Variants in DNAI4 observed in about 807,000 individuals in gnomAD.
DNAI4 encodes the protein dynein axonemal intermediate chain 4, also known as WD repeat domain 78.
A neutral mutation model predicts 105.8 loss-of-function variants in DNAI4; 85 were observed. That is an observed-to-expected ratio of 0.80 (90% confidence interval 0.67 to 0.96). DNAI4 has a LOEUF of 0.96. Ranked by LOEUF, DNAI4 falls within the 40% of genes least tolerant of loss-of-function variation. The pLI, the probability that DNAI4 is intolerant of heterozygous loss-of-function variation, is 0.00. For missense variants in DNAI4, 1,014 were observed against 1,005.6 expected (o/e 1.01, Z -0.11); for synonymous variants, 352 against 331.5 (o/e 1.06, Z -0.67).
chr1:66,892,379 C>T (rs570163584), intron 3 of DNAI4, among the ~76,000 whole-genome samples: 5 of 152,288 alleles, frequency 3.3e-5, no homozygotes, highest in Admixed American at 1.3e-4. Flanking sequence ...GGAAAGCCAC[C>T]TCTTCCTGTA....
At chr1:66,859,863 A>G (rs958687551) in intron 7 of DNAI4, among the ~76,000 whole-genome samples, 22 of 152,248 alleles carry the variant, frequency 1.4e-4, no homozygotes, top group African/African-American at 5.3e-4. Flanking sequence ...TGAAACTATT[A>G]ATTTTTTGCT....
At chr1:66,852,455 A>T (rs1483923500) in intron 7 of DNAI4, among the ~76,000 whole-genome samples, 2 of 152,084 alleles carry the variant, frequency 1.3e-5, no homozygotes, top group African/African-American at 2.4e-5. Flanking sequence ...CAACATCAAC[A>T]TAAAAATCCT....
chr1:66,827,112 C>A, intron 14 of DNAI4, 66 bp from the exon 15 acceptor site: 2 of 1,365,924 alleles, frequency 1.5e-6, no homozygotes, highest in Admixed American at 2.2e-5. Context: ...ACTTGACCAG[C>A]AAATTAAAAA....
chr1:66,871,438 A>G lies in DNAI4; in HGVS notation c.872T>C (p.Met291Thr), dbSNP rs1297625788. 5.6e-6 allele frequency: 9 copies of G among 1,611,060 alleles called. No individual in the cohort carries two copies. The highest frequency in any genetic ancestry group is 1.7e-6 in the Non-Finnish European group (2 of 1,177,720). The change falls in exon 6 of 17, where the codon ATG (methionine) becomes ACG (threonine). Residue 291 changes from methionine (M) to threonine (T), a missense_variant. Met to Thr is a moderately conservative substitution (Grantham distance 81). Coordinates refer to ENST00000371026, the MANE Select transcript of DNAI4 (RefSeq NM_024763.5). Reference sequence around the variant, plus strand: ...CTTTGGTGCTCCATTGAAAGTCTGCATCATCCTTTCAACATATAGGTCATT... The same window carrying G: ...CTTTGGTGCTCCATTGAAAGTCTGCGTCATCCTTTCAACATATAGGTCATT... The part of the protein sequence containing the change: ...LGNDLYVERM[M>T]QTFNGAPKNK...
rs537165340 is a variant in DNAI4, at chr1:66,846,097, C to G, written c.1291+1387G>C. ...TGTGTTGAAAGAAGTGATGTGCCAA[C>G]AGTAACATTTACATTGTTACATTTA... On this transcript the variant is annotated intron_variant, in intron 8 of 16. Transcript: ENST00000371026. 2.0e-5 allele frequency among the ~76,000 whole-genome samples: 3 copies of G among 152,108 alleles called. No individual in the cohort carries two copies. The South Asian group carries it at 6.2e-4, about 32-fold the overall frequency.
At chr1:66,922,888 T>A (rs981270056) in intron 1 of DNAI4, among the ~76,000 whole-genome samples, 2 of 152,108 alleles carry the variant, frequency 1.3e-5, no homozygotes, top group African/African-American at 4.8e-5. Flanking sequence ...TTGGGAGAGG[T>A]CTTAGCCAGA....
Position 66,827,825 on chromosome 1 carries a change from T to C in DNAI4, c.2099A>G (p.Tyr700Cys), listed in dbSNP as rs766815598. Residue 700 changes from tyrosine to cysteine, a missense_variant, in exon 14 of 17, where the codon TAC (tyrosine) becomes TGC (cysteine). By Grantham distance (194) the Tyr-to-Cys change is radical. Transcript: ENST00000371026. The stretch of plus-strand genomic sequence containing the variant: ...AATTAAACTAACCTTATGTCCTCTG[T>C]AGGTATCTAAGTATTGTTCATTATA... ...CSYNEQYLDTYRGHKGPVYKV... is the reference protein window; with the variant it reads ...CSYNEQYLDTCRGHKGPVYKV... 1 of 1,586,352 alleles carries C rather than the reference T, an allele frequency of 6.3e-7. No individual in the cohort carries two copies. Among genetic ancestry groups the C allele is most frequent in the South Asian group, 1.2e-5 (1 of 86,868 alleles).
intron 1 of DNAI4, among the ~76,000 whole-genome samples, chr1:66,922,368 G>A (rs1650553838): frequency 6.6e-6 from 1 of 152,116 alleles, no homozygotes; most frequent in Non-Finnish European, 1.5e-5. Flanking sequence ...TTATCTGGGG[G>A]CACAATATTC....
At chr1:66,924,513 A>T in intron 1 of DNAI4, 149 bp downstream of exon 1, 1 of 1,077,674 alleles carries the variant, frequency 9.3e-7, no homozygotes, top group Non-Finnish European at 1.3e-6. Context: ...TCGATAAAGG[A>T]GACATTGTGG....
chr1:66,822,335 C>G, intron 16 of DNAI4, 26 bp downstream of exon 16: 1 of 1,571,512 alleles, frequency 6.4e-7, no homozygotes. Context: ...TAAAATGACA[C>G]AAATTTTTTT....
chr1:66,909,178 A>G (rs185335930), intron 1 of DNAI4, among the ~76,000 whole-genome samples: 192 of 152,166 alleles, frequency 1.3e-3, no homozygotes, highest in Admixed American at 0.012. Flanking sequence ...ACAAACAAGA[A>G]ACTTCTCTTT....
At chr1:66,891,599 T>G (rs1647653708) in intron 3 of DNAI4, among the ~76,000 whole-genome samples, 1 of 152,200 alleles carries the variant, frequency 6.6e-6, no homozygotes, top group Non-Finnish European at 1.5e-5. Context: ...GTGGCTGGGA[T>G]TACAGGCTTG....
intron 6 of DNAI4, among the ~76,000 whole-genome samples, chr1:66,869,842 G>T (rs576960222): frequency 6.6e-6 from 1 of 152,292 alleles, no homozygotes; most frequent in East Asian, 1.9e-4. Context: ...CAGGCTACTA[G>T]AAGAGGGAAA....
intron 11 of DNAI4, among the ~76,000 whole-genome samples, chr1:66,834,830 T>G (rs1281633543): frequency 1.3e-5 from 2 of 152,066 alleles, no homozygotes; most frequent in Non-Finnish European, 2.9e-5. Context: ...GATTTTTTGG[T>G]GAAAATTATG....
intron 2 of DNAI4, among the ~76,000 whole-genome samples, chr1:66,896,313 A>G (rs980674419): frequency 5.3e-5 from 8 of 152,270 alleles, no homozygotes; most frequent in African/African-American, 1.7e-4. Flanking sequence ...TTGAAATACA[A>G]TAACATAATA....
chr1:66,823,760 GT>G (rs1212209016), intron 15 of DNAI4, among the ~76,000 whole-genome samples: 1 of 148,468 alleles, frequency 6.7e-6, no homozygotes. Flanking sequence ...GGGGTTGTTT[GT>G]TTTTTTCTTG....
intron 13 of DNAI4, among the ~76,000 whole-genome samples, chr1:66,833,052 A>G (rs1645901230): frequency 6.6e-6 from 1 of 152,130 alleles, no homozygotes; most frequent in African/African-American, 2.4e-5. Context: ...AGTTAAGCAC[A>G]AAGTTGTAAA....
chr1:66,862,120 A>G, intron 7 of DNAI4, 27 bp downstream of exon 7: 1 of 1,554,810 alleles, frequency 6.4e-7, no homozygotes. Flanking sequence ...AAGTCATTCA[A>G]AAAAACTAAA....
Position 66,813,913 on chromosome 1 carries a change from T to G in DNAI4, c.*217A>C. The G allele has an allele frequency of 2.3e-6, 1 of 438,870 alleles. No individual in the cohort carries two copies. Among genetic ancestry groups the G allele is most frequent in the Non-Finnish European group, 4.0e-6 (1 of 250,394 alleles). The allele number at this position is 438,870 out of a possible 1,614,324, so 27.2% of individuals were successfully genotyped here. The stretch of plus-strand genomic sequence containing the variant: ...GAGAGTAGGAATATCTTTAGAAAAA[T>G]TAAGAAAATTCCACTGAAACTCTTA... On this transcript the variant is annotated 3_prime_UTR_variant, in exon 17 of 17. Coordinates refer to ENST00000371026, the MANE Select transcript of DNAI4 (RefSeq NM_024763.5).
Sources: allele counts gnomAD v4.1 joint callset (sites outside exome capture counted in the v4.1 genomes callset), GRCh38; gene constraint gnomAD v4.1.1; transcripts MANE v1.5; gene names NCBI Gene and HGNC (gene_info 2026-07-23, HGNC 2026-07-21).